Variants in ELF2 observed in about 807,000 individuals in gnomAD.
ELF2 encodes the protein ETS-related transcription factor Elf-2.
ELF2 carries 11 observed loss-of-function variants against 54.8 expected under a neutral mutation model. That is an observed-to-expected ratio of 0.20 (90% CI 0.13 to 0.33). ELF2 has a LOEUF of 0.33. Among genes scored for constraint, ELF2 ranks in the 10% least tolerant of loss-of-function variants. The probability of loss-of-function intolerance (pLI) is 1.00; values close to 1 mark genes in which losing one functional copy is unlikely to be tolerated. For missense variants in ELF2, 513 were observed against 703.0 expected, an observed-to-expected ratio of 0.73 and a Z score of 3.06; for synonymous variants, 203 against 245.1, an observed-to-expected ratio of 0.83 and a Z score of 1.61.
rs578039343 is a variant in ELF2 at position 139,115,353 on chromosome 4, C to T, written c.238+9811G>A. Reference sequence around the variant, plus strand: ...GCCGGGGTCGCCAACGCCGCGCCCCCCGCGGTGCCGCTGTCCGCCATGGCG... The same window carrying T: ...GCCGGGGTCGCCAACGCCGCGCCCCTCGCGGTGCCGCTGTCCGCCATGGCG... On this transcript the variant is annotated intron_variant, in intron 4 of 9. Coordinates refer to ENST00000686138, the MANE Select transcript of ELF2 (RefSeq NM_001331036.3). The T allele has an allele frequency of 2.5e-4, 303 of 1,204,104 alleles. 3 individuals are homozygous for T. The highest frequency in any genetic ancestry group is 2.1e-3 in the Middle Eastern group (6 of 2,910). The allele number at this position is 1,204,104 out of a possible 1,614,324, so 74.6% of individuals were successfully genotyped here. A position where few individuals can be genotyped will look rare whatever the true frequency, so the allele number is the denominator to read the frequency against.
At chr4:139,166,736 T>C (rs1268551755) in intron 1 of ELF2, among the ~76,000 whole-genome samples, 3 of 152,008 alleles carry the variant, frequency 2.0e-5, no homozygotes, top group African/African-American at 7.2e-5. Flanking sequence ...GGCGTGGTGG[T>C]GGGCACCTGT....
intron 4 of ELF2, among the ~76,000 whole-genome samples, chr4:139,092,122 G>A (rs2148759918): frequency 6.6e-6 from 1 of 151,826 alleles, no homozygotes; most frequent in Non-Finnish European, 1.5e-5. Context: ...AGCACTTTGG[G>A]AGGGCGAGGC....
rs61122327 is a variant in ELF2, at chr4:139,135,237, A to ATGTGTG, written c.72+2387_72+2392dup. On this transcript the variant is annotated intron_variant, in intron 3 of 9. Coordinates refer to ENST00000686138, the MANE Select transcript of ELF2 (RefSeq NM_001331036.3). The stretch of plus-strand genomic sequence containing the variant: ...CTATTATACATATACTACTATATAT[A>ATGTGTG]TGTGTGTGTGTGTGTGTGTGTGTGT... Among the ~76,000 whole-genome samples the ATGTGTG allele has an allele frequency of 5.0e-3, 557 of 112,432 alleles. 2 individuals carry two copies. Among genetic ancestry groups the ATGTGTG allele is most frequent in the Middle Eastern group, 0.011 (2 of 180 alleles). 73.8% of individuals were successfully genotyped at this position (112,432 alleles called of 152,430 possible).
At chr4:139,129,802 G>A (rs1346743496) in intron 3 of ELF2, among the ~76,000 whole-genome samples, 1 of 152,062 alleles carries the variant, frequency 6.6e-6, no homozygotes, top group Non-Finnish European at 1.5e-5. Context: ...ATCACAATCA[G>A]AACTGTTTGT....
At chr4:139,151,801 T>C (rs1050785526) in intron 1 of ELF2, among the ~76,000 whole-genome samples, 1 of 152,232 alleles carries the variant, frequency 6.6e-6, no homozygotes, top group Non-Finnish European at 1.5e-5. Context: ...GTCATAAAAA[T>C]ATGAAAATTA....
Position 139,059,177 on chromosome 4 carries a change from T to A in ELF2, c.1588A>T (p.Ile530Leu). Residue 530 changes from isoleucine (I) to leucine (L), a missense_variant, in exon 10 of 10, where the codon ATA (isoleucine) becomes TTA (leucine). By Grantham distance (5) the Ile-to-Leu change is conservative (BLOSUM62 2). Around this residue, in one of 3 missense-constraint regions of ELF2, gnomAD observed 291 missense variants for 366.1 expected, o/e 0.79. Transcript: ENST00000686138. ...TCCGATTTAACCTCTGGCCCCTTTA[T>A]GACTGCACTGATAACTCGAGGAGGA... ...QTPPRVISAVIKGPEVKSEAV... is the reference protein window; with the variant it reads ...QTPPRVISAVLKGPEVKSEAV... The A allele has an allele frequency of 6.2e-7, 1 of 1,613,998 alleles. No individual in the cohort carries two copies. The highest frequency in any genetic ancestry group is 1.7e-5 in the Admixed American group (1 of 60,012).
chr4:139,071,916 G>T lies in ELF2; in HGVS notation c.476C>A (p.Ser159Tyr). The T allele has an allele frequency of 6.2e-7, 1 of 1,612,420 alleles. No homozygotes were observed. Among genetic ancestry groups the T allele is most frequent in the Admixed American group, 1.7e-5 (1 of 59,470 alleles). Residue 159 changes from serine (S) to tyrosine (Y), a missense_variant, in exon 6 of 10, where the codon TCT becomes TAT. This residue lies in a region of ELF2 where 203 missense variants were observed against 245.9 expected (regional missense o/e 0.83). Coordinates refer to ENST00000686138, the MANE Select transcript of ELF2 (RefSeq NM_001331036.3). ...STEESEPMDT[S>Y]PIPTSPDSHE... ...GCTATCTGGTGATGTTGGAATAGGA[G>T]AGGTATCCATGGGTTCAGACTCTTC...
chr4:139,071,437 T>C (rs577728591), intron 6 of ELF2, among the ~76,000 whole-genome samples: 14 of 152,172 alleles, frequency 9.2e-5, no homozygotes, highest in South Asian at 2.1e-4. Context: ...ACTAAAGGCG[T>C]GCCTGGCTTT....
At chr4:139,134,842 G>C (rs896641232) in intron 3 of ELF2, among the ~76,000 whole-genome samples, 2 of 151,230 alleles carry the variant, frequency 1.3e-5, no homozygotes, top group African/African-American at 4.9e-5. Context: ...CACCACACTA[G>C]GCCCAATACT....
At chr4:139,148,846 C>A (rs1427384281) in intron 1 of ELF2, among the ~76,000 whole-genome samples, 1 of 152,142 alleles carries the variant, frequency 6.6e-6, no homozygotes, top group Non-Finnish European at 1.5e-5. Context: ...ACATTCCTAC[C>A]AGCAGCATTT....
chr4:139,140,266 C>T (rs1738576636), intron 1 of ELF2, among the ~76,000 whole-genome samples: 2 of 152,190 alleles, frequency 1.3e-5, no homozygotes, highest in South Asian at 2.1e-4. Flanking sequence ...CCCATCCAAA[C>T]ATCCCAAGCC....
Position 139,060,678 on chromosome 4 carries a change from T to C in ELF2, c.807-4A>G. On this transcript the variant is annotated splice_polypyrimidine_tract_variant and splice_region_variant and intron_variant, in intron 8 of 9. Transcript: ENST00000686138. ...AATTCCCCTTTGGTAGTAGTATCTGTAAGGGGAAAATGTACCAAATGAATC... is the reference window on the plus strand; with the variant it reads ...AATTCCCCTTTGGTAGTAGTATCTGCAAGGGGAAAATGTACCAAATGAATC... The C allele has an allele frequency of 3.8e-6, 6 of 1,571,166 alleles. No homozygotes were observed. Among genetic ancestry groups the C allele is most frequent in the Non-Finnish European group, 5.2e-6 (6 of 1,160,234 alleles).
chr4:139,175,499 T>A (rs569352004), intron 1 of ELF2, among the ~76,000 whole-genome samples: 1 of 152,370 alleles, frequency 6.6e-6, no homozygotes. Flanking sequence ...AAAAGTTTTA[T>A]TATTCCTAAA....
At chr4:139,137,330 A>G in intron 3 of ELF2, 1 of 416,866 alleles carries the variant, frequency 2.4e-6, no homozygotes, top group Non-Finnish European at 4.3e-6. Flanking sequence ...ATAATCCAAG[A>G]CAATGGGTTT....
chr4:139,100,168 G>T (rs1243797313), intron 4 of ELF2, among the ~76,000 whole-genome samples: 2 of 152,170 alleles, frequency 1.3e-5, no homozygotes, highest in African/African-American at 4.8e-5. Flanking sequence ...CCTTGGAAAA[G>T]TTATTCGGCC....
At chr4:139,177,675 G>C (rs1436750862), upstream of ELF2, among the ~76,000 whole-genome samples, 1 of 151,828 alleles carries the variant, frequency 6.6e-6, no homozygotes, top group Non-Finnish European at 1.5e-5. Context: ...ATGGGGCCGC[G>C]CGTGCACCTG....
At chr4:139,068,565 A>C (rs1342003235) in intron 6 of ELF2, among the ~76,000 whole-genome samples, 1 of 152,204 alleles carries the variant, frequency 6.6e-6, no homozygotes, top group Non-Finnish European at 1.5e-5. Context: ...CCACATGCAG[A>C]TACATCACAA....
At chr4:139,111,641 C>T (rs1159374417) in intron 4 of ELF2, among the ~76,000 whole-genome samples, 2 of 152,128 alleles carry the variant, frequency 1.3e-5, no homozygotes, top group Admixed American at 1.3e-4. Flanking sequence ...TTTTGAGTCT[C>T]GCCCAGGTCC....
intron 4 of ELF2, among the ~76,000 whole-genome samples, chr4:139,108,514 T>C (rs1158467501): frequency 6.6e-6 from 1 of 151,890 alleles, no homozygotes; most frequent in African/African-American, 2.4e-5. Flanking sequence ...ATCCTAGCAA[T>C]CAGGAGACCA....
Sources: allele counts gnomAD v4.1 joint callset (sites outside exome capture counted in the v4.1 genomes callset), GRCh38; gene constraint gnomAD v4.1.1; regional missense constraint gnomAD v4.1.1; transcripts MANE v1.5; gene names NCBI Gene and HGNC (gene_info 2026-07-23, HGNC 2026-07-21).